The following PARD3 variants were observed in gnomAD, a reference collection of about 807,000 sequenced individuals.
PARD3 encodes par-3 family cell polarity regulator.
A neutral mutation model predicts 155.4 loss-of-function variants in PARD3; 75 were observed. That is an observed-to-expected ratio of 0.48 (90% CI 0.40 to 0.58). The LOEUF is 0.58. Ranked by LOEUF, PARD3 falls within the 20% of genes least tolerant of loss-of-function variation. PARD3 has a pLI of 0.00. For missense variants in PARD3, 1,642 were observed against 1,721.7 expected (o/e 0.95, Z 0.82); for synonymous variants, 576 against 610.5 (o/e 0.94, Z 0.83).
At chr10:34,212,457 C>A (rs1167734390) in intron 22 of PARD3, among the ~76,000 whole-genome samples, 1 of 152,176 alleles carries the variant, frequency 6.6e-6, no homozygotes, top group East Asian at 1.9e-4. Context: ...TTTCCCACAG[C>A]TTTGTTTCCA....
At chr10:34,208,846 T>C (rs777779071) in intron 22 of PARD3, among the ~76,000 whole-genome samples, 1 of 152,162 alleles carries the variant, frequency 6.6e-6, no homozygotes, top group African/African-American at 2.4e-5. Context: ...TTTGATGTCA[T>C]TGAAAAAATT....
chr10:34,122,463 C>T (rs147524194), intron 23 of PARD3, among the ~76,000 whole-genome samples: 54 of 152,262 alleles, frequency 3.5e-4, no homozygotes, highest in Admixed American at 1.7e-3. Flanking sequence ...ACATTATCAG[C>T]ATATGGGGTC....
intron 22 of PARD3, among the ~76,000 whole-genome samples, chr10:34,219,484 C>A (rs1952171954): frequency 6.6e-6 from 1 of 152,146 alleles, no homozygotes; most frequent in South Asian, 2.1e-4. Flanking sequence ...ACAAAGCACA[C>A]CTTCATGCAC....
intron 22 of PARD3, among the ~76,000 whole-genome samples, chr10:34,217,510 C>T (rs1001511730): frequency 2.6e-5 from 4 of 152,004 alleles, no homozygotes; most frequent in Admixed American, 6.6e-5. Context: ...ACAGGTGGTG[C>T]GATCCCACTT....
intron 23 of PARD3, among the ~76,000 whole-genome samples, chr10:34,120,389 G>A (rs1946930688): frequency 6.6e-6 from 1 of 151,740 alleles, no homozygotes; most frequent in South Asian, 2.1e-4. Context: ...GATACAATAA[G>A]AATGAGGCTC....
At chr10:34,271,470 T>C (rs572631168) in intron 21 of PARD3, among the ~76,000 whole-genome samples, 17 of 152,288 alleles carry the variant, frequency 1.1e-4, no homozygotes, top group African/African-American at 4.1e-4. Flanking sequence ...ATTGTATCAA[T>C]TGATGCAGAA....
chr10:34,122,221 G>C (rs145907451), intron 23 of PARD3, among the ~76,000 whole-genome samples: 1 of 152,160 alleles, frequency 6.6e-6, no homozygotes, highest in East Asian at 1.9e-4. Flanking sequence ...TTTTAAGCTC[G>C]TGCTGTTCTG....
chr10:34,811,871 C>T (rs1004601980), intron 1 of PARD3, among the ~76,000 whole-genome samples: 13 of 152,278 alleles, frequency 8.5e-5, no homozygotes, highest in South Asian at 4.2e-4. Context: ...CCATCCTGCG[C>T]CCTCATGAGA....
intron 22 of PARD3, among the ~76,000 whole-genome samples, chr10:34,200,777 G>A (rs979448053): frequency 3.9e-5 from 6 of 152,206 alleles, no homozygotes; most frequent in Non-Finnish European, 8.8e-5. Context: ...GCTGCATTAT[G>A]GAACAAAAGC....
chr10:34,496,459 C>A (rs532558038), intron 3 of PARD3, among the ~76,000 whole-genome samples: 1 of 152,228 alleles, frequency 6.6e-6, no homozygotes, highest in South Asian at 2.1e-4. Context: ...GATGAACAAC[C>A]ACACTGTCCC....
rs76008241 is a variant in PARD3 at position 34,517,615 on chromosome 10, A to T, written c.223-456T>A. Among the ~76,000 whole-genome samples the T allele has an allele frequency of 7.3e-3, 1,115 of 152,334 alleles. 15 individuals are homozygous for T. Among genetic ancestry groups the T allele is most frequent in the African/African-American group, 0.026 (1,074 of 41,582 alleles). ...GTATCTTCTCATTTGTGCATAAGAT[A>T]CATGCTAAAGACAAACCTGTCATAC... On this transcript the variant is annotated intron_variant, in intron 2 of 24. Coordinates refer to ENST00000374788, the MANE Select transcript of PARD3 (RefSeq NM_001184785.2).
In PARD3 at chr10:34,316,480, G is replaced by A. The variant is rs139404962; in HGVS notation, c.3065+627C>T. 5.7e-3 allele frequency among the ~76,000 whole-genome samples: 865 copies of A among 152,274 alleles called. 4 individuals are homozygous for A. The highest frequency in any genetic ancestry group is 7.7e-3 in the Non-Finnish European group (526 of 68,028). On this transcript the variant is annotated intron_variant, in intron 20 of 24. Transcript: ENST00000374788. ...ACATTTAATGAAATCTTTACAGACC[G>A]AAGTAATAAGTACTAAATTAATGAA...
At chr10:34,609,086 C>T (rs1447445582) in intron 2 of PARD3, among the ~76,000 whole-genome samples, 1 of 152,120 alleles carries the variant, frequency 6.6e-6, no homozygotes, top group Non-Finnish European at 1.5e-5. Flanking sequence ...CCTAAGATTC[C>T]AGGAATGAAT....
At chr10:34,313,108 C>T (rs535578033) in intron 20 of PARD3, among the ~76,000 whole-genome samples, 5 of 152,276 alleles carry the variant, frequency 3.3e-5, no homozygotes, top group East Asian at 1.9e-4. Context: ...ACTCAATTTC[C>T]TCTTTCGTGA....
intron 1 of PARD3, among the ~76,000 whole-genome samples, chr10:34,810,749 T>A (rs756540762): frequency 6.6e-6 from 1 of 152,234 alleles, no homozygotes; most frequent in Non-Finnish European, 1.5e-5. Context: ...GTGATTCCAT[T>A]CATCTTTACG....
chr10:34,426,305 T>G (rs2075601259), intron 5 of PARD3, among the ~76,000 whole-genome samples: 1 of 152,166 alleles, frequency 6.6e-6, no homozygotes, highest in Admixed American at 6.5e-5. Flanking sequence ...TGGTGAACAT[T>G]CAGCAAACTG....
At chr10:34,404,230 T>C (rs948717915) in intron 5 of PARD3, among the ~76,000 whole-genome samples, 1 of 152,208 alleles carries the variant, frequency 6.6e-6, no homozygotes, top group Non-Finnish European at 1.5e-5. Context: ...TCAGCTCCTG[T>C]ATGGTTTTAT....
chr10:34,317,806 C>T (rs1958102208), intron 19 of PARD3, among the ~76,000 whole-genome samples: 1 of 152,170 alleles, frequency 6.6e-6, no homozygotes, highest in Admixed American at 6.5e-5. Context: ...TGGACTACAC[C>T]ATTCAATGTC....
At chr10:34,809,707 G>A (rs1198959864) in intron 1 of PARD3, among the ~76,000 whole-genome samples, 2 of 152,136 alleles carry the variant, frequency 1.3e-5, no homozygotes, top group Non-Finnish European at 2.9e-5. Flanking sequence ...GGAGAACGCG[G>A]GACAAAGGCG....
Sources: allele counts gnomAD v4.1 joint callset (sites outside exome capture counted in the v4.1 genomes callset), GRCh38; gene constraint gnomAD v4.1.1; transcripts MANE v1.5; gene names NCBI Gene and HGNC (gene_info 2026-07-23, HGNC 2026-07-21).